Variants in CUL4A observed in about 807,000 individuals in gnomAD.
CUL4A encodes the protein cullin-4A.
CUL4A carries 16 observed loss-of-function variants against 95.5 expected under a neutral mutation model. The ratio of observed to expected loss-of-function variants is 0.17; its 90% CI spans 0.11 to 0.25. The LOEUF (loss-of-function observed/expected upper bound fraction) is 0.25. Ranked by LOEUF, CUL4A falls within the 10% of genes least tolerant of loss-of-function variation. The pLI, the probability that CUL4A is intolerant of heterozygous loss-of-function variation, is 1.00. For synonymous variants in CUL4A, 380 were observed against 353.1 expected (o/e 1.08, Z -0.85); for missense variants, 610 against 937.0 (o/e 0.65, Z 4.56).
At chr13:113,216,228 A>C (rs2040687606) in intron 2 of CUL4A, among the ~76,000 whole-genome samples, 1 of 152,204 alleles carries the variant, frequency 6.6e-6, no homozygotes, top group Non-Finnish European at 1.5e-5. Flanking sequence ...CATGTCCCAC[A>C]GCTCCATGGC....
rs3794424 is a variant in CUL4A at position 113,239,576 on chromosome 13, G to A, written c.1035+25G>A. 181 of 1,560,124 alleles carry A rather than the reference G, an allele frequency of 1.2e-4. 1 individual carries two copies. The East Asian group carries it at 3.3e-3, about 28-fold the overall frequency. ...GGTACTGGCGGGGTTTTGAGGCCGCGGGCGTGGGCATTCCCTGCAGGGAGC... is the reference window on the plus strand; with the variant it reads ...GGTACTGGCGGGGTTTTGAGGCCGCAGGCGTGGGCATTCCCTGCAGGGAGC... On this transcript the variant is annotated intron_variant, in intron 10 of 19. Transcript: ENST00000375440.
Position 113,224,674 on chromosome 13 carries a change from G to A in CUL4A, c.369-3302G>A, listed in dbSNP as rs1381025259. Among the ~76,000 whole-genome samples, 8 of 152,372 alleles carry A rather than the reference G, an allele frequency of 5.3e-5. No individual in the cohort carries two copies. In the East Asian group the frequency reaches 9.6e-4, roughly 18 times the overall value. On this transcript the variant is annotated intron_variant, in intron 3 of 19. Transcript: ENST00000375440. ...GCCTGTTCTCACTTGACCAGATATC[G>A]TGTACGGAGCACTTGCTGGCAGTAG...
At chr13:113,255,585 C>A (rs935531566) in intron 18 of CUL4A, among the ~76,000 whole-genome samples, 9 of 152,176 alleles carry the variant, frequency 5.9e-5, no homozygotes, top group Admixed American at 6.5e-5. Flanking sequence ...CCTCCGAGCC[C>A]CTGGCAACCC....
intron 18 of CUL4A, among the ~76,000 whole-genome samples, 154 bp from the exon 19 acceptor site, chr13:113,260,453 G>A (rs984504520): frequency 9.9e-5 from 15 of 151,870 alleles, no homozygotes; most frequent in African/African-American, 3.6e-4. Flanking sequence ...GGGAGGCTGA[G>A]GCAAGAGAAT....
intron 8 of CUL4A, among the ~76,000 whole-genome samples, chr13:113,235,689 A>G (rs1322919950): frequency 1.3e-5 from 2 of 152,146 alleles, no homozygotes; most frequent in Admixed American, 6.5e-5. Context: ...TACAGTGTGC[A>G]GCTGGGCGCG....
In CUL4A at chr13:113,249,295, C is replaced by T. The variant is rs187125707; in HGVS notation, c.1638+3232C>T. Among the ~76,000 whole-genome samples, 121 of 151,324 alleles carry T rather than the reference C, an allele frequency of 8.0e-4. 1 individual carries two copies. Among genetic ancestry groups the T allele is most frequent in the African/African-American group, 2.4e-3 (98 of 41,100 alleles). On this transcript the variant is annotated intron_variant, in intron 15 of 19. Transcript: ENST00000375440. ...CCATCCATGCTGTACCATACATGAGCGCTTTATTCCATCCATGCTGTGCCA... is the reference window on the plus strand; with the variant it reads ...CCATCCATGCTGTACCATACATGAGTGCTTTATTCCATCCATGCTGTGCCA...
At chr13:113,230,398 C>T (rs930216416) in intron 5 of CUL4A, among the ~76,000 whole-genome samples, 11 of 152,172 alleles carry the variant, frequency 7.2e-5, no homozygotes, top group African/African-American at 2.2e-4. Flanking sequence ...TATACAACAT[C>T]TATACAATTT....
intron 10 of CUL4A, among the ~76,000 whole-genome samples, chr13:113,242,584 G>A (rs1413045460): frequency 6.6e-6 from 1 of 152,112 alleles, no homozygotes; most frequent in Non-Finnish European, 1.5e-5. Flanking sequence ...GAGGCCAGGA[G>A]TTCGAGACCA....
At chr13:113,210,759 T>C (rs186393157) in intron 2 of CUL4A, among the ~76,000 whole-genome samples, 113 of 152,164 alleles carry the variant, frequency 7.4e-4, no homozygotes, top group African/African-American at 2.5e-3. Context: ...TCACGATGTG[T>C]CATACAATTA....
intron 18 of CUL4A, among the ~76,000 whole-genome samples, chr13:113,257,927 C>T (rs937781873): frequency 6.6e-6 from 1 of 152,102 alleles, no homozygotes; most frequent in Non-Finnish European, 1.5e-5. Flanking sequence ...TGAATTATCA[C>T]CTTATTATGT....
In CUL4A at chr13:113,264,079, G is replaced by A. The variant is rs556238713; in HGVS notation, c.*497G>A. 1.3e-5 allele frequency: 2 copies of A among 152,424 alleles called. No homozygotes were observed. Among genetic ancestry groups the A allele is most frequent in the African/African-American group, 4.8e-5 (2 of 41,428 alleles). 9.4% of individuals were successfully genotyped at this position (152,424 alleles called of 1,614,324 possible). ...ATGGGTGAACATTAGAAAGAGCCAG[G>A]GTTCAAAGCTGGCGAATGGATGACG... On this transcript the variant is annotated 3_prime_UTR_variant, in exon 20 of 20. Transcript: ENST00000375440.
chr13:113,220,233 A>G (rs1027106704), intron 3 of CUL4A, among the ~76,000 whole-genome samples: 2 of 152,240 alleles, frequency 1.3e-5, no homozygotes, highest in South Asian at 4.1e-4. Flanking sequence ...GCTGAAATGC[A>G]GGGTGAGAGG....
intron 2 of CUL4A, among the ~76,000 whole-genome samples, chr13:113,210,397 G>A (rs942942596): frequency 6.6e-6 from 1 of 152,204 alleles, no homozygotes; most frequent in Non-Finnish European, 1.5e-5. Flanking sequence ...TTATTTTCTC[G>A]TTATATGTAA....
intron 10 of CUL4A, among the ~76,000 whole-genome samples, chr13:113,240,993 G>A (rs570741876): frequency 2.1e-4 from 32 of 152,216 alleles, no homozygotes; most frequent in Middle Eastern, 3.4e-3. Flanking sequence ...AAAGATTTCC[G>A]TTAAATAAAA....
chr13:113,248,024 G>A (rs2041899940), intron 15 of CUL4A, among the ~76,000 whole-genome samples: 3 of 152,192 alleles, frequency 2.0e-5, no homozygotes, highest in Admixed American at 1.3e-4. Flanking sequence ...CCTGGCGGGA[G>A]GTGCGCACTA....
intron 2 of CUL4A, among the ~76,000 whole-genome samples, chr13:113,216,329 CA>C (rs1323659644): frequency 1.3e-5 from 2 of 152,226 alleles, no homozygotes; most frequent in Non-Finnish European, 2.9e-5. Flanking sequence ...TCACTCCAGG[CA>C]ATGCTTTGAC....
At position 113,253,775 on chromosome 13, in the gene CUL4A, C is replaced by G. The variant is rs570555565; in HGVS notation, c.1752+580C>G. Among the ~76,000 whole-genome samples the G allele has an allele frequency of 3.3e-5, 5 of 152,054 alleles. No individual in the cohort carries two copies. In the East Asian group the frequency reaches 9.7e-4, roughly 29 times the overall value. On this transcript the variant is annotated intron_variant, in intron 16 of 19. Coordinates refer to ENST00000375440, the MANE Select transcript of CUL4A (RefSeq NM_001008895.4). ...GTGGTTGCAGTGCTGTTATTATGAG[C>G]GATTATTTAAGAGGGGAGAATGCAT... is the stretch of plus-strand genomic sequence containing the variant.
At chr13:113,213,009 G>A (rs1207029030) in intron 2 of CUL4A, among the ~76,000 whole-genome samples, 2 of 152,074 alleles carry the variant, frequency 1.3e-5, no homozygotes, top group Admixed American at 6.6e-5. Context: ...TTTTAGAATC[G>A]GCCAATTTGT....
At chr13:113,217,832 A>G (rs1263676173) in intron 2 of CUL4A, among the ~76,000 whole-genome samples, 1 of 152,238 alleles carries the variant, frequency 6.6e-6, no homozygotes, top group East Asian at 1.9e-4. Context: ...AATGAGTTTA[A>G]GTTTTTGTAC....
Sources: gnomAD v4.1 joint callset for allele counts (sites outside exome capture counted in the v4.1 genomes callset) on GRCh38, gnomAD v4.1.1 for gene constraint, MANE v1.5 for transcripts, NCBI Gene and HGNC (gene_info 2026-07-23, HGNC 2026-07-21) for gene names.